ROBO2: variants seen among roughly 807,000 people sequenced by gnomAD.
ROBO2 encodes the protein roundabout homolog 2.
In ROBO2, 53 loss-of-function variants were observed where a neutral mutation model predicts 160.8. The ratio of observed to expected loss-of-function variants is 0.33; its 90% CI spans 0.26 to 0.41. The LOEUF is 0.41. Ranked by LOEUF, ROBO2 falls within the 10% of genes least tolerant of loss-of-function variation. The probability of loss-of-function intolerance (pLI) is 1.00; values close to 1 mark genes in which losing one functional copy is unlikely to be tolerated. For missense variants in ROBO2, 1,577 were observed against 1,722.4 expected (o/e 0.92, Z 1.49); for synonymous variants, 664 against 611.7 (o/e 1.09, Z -1.26).
intron 2 of ROBO2, among the ~76,000 whole-genome samples, chr3:76,391,556 C>T (rs1297206521): frequency 1.3e-5 from 2 of 151,854 alleles, no homozygotes; most frequent in Non-Finnish European, 2.9e-5. Flanking sequence ...CGCTCCATTG[C>T]CCAGGCTGGA....
intron 2 of ROBO2, among the ~76,000 whole-genome samples, chr3:76,676,511 G>A (rs757563407): frequency 6.6e-6 from 1 of 152,032 alleles, no homozygotes; most frequent in South Asian, 2.1e-4. Context: ...AGTGTATCTC[G>A]ACAGGTAAGA....
intron 2 of ROBO2, among the ~76,000 whole-genome samples, chr3:75,970,510 C>T (rs1432905717): frequency 1.3e-5 from 2 of 151,468 alleles, no homozygotes; most frequent in East Asian, 3.9e-4. Flanking sequence ...ATGTTCTAAA[C>T]AGTATGTATT....
chr3:76,656,616 CTTTGTTTTGTTTTGT>C lies in ROBO2; in HGVS notation c.110-441385_110-441371del, dbSNP rs368810711. Among the ~76,000 whole-genome samples, 363 of 151,718 alleles carry C rather than the reference CTTTGTTTTGTTTTGT, an allele frequency of 2.4e-3. 1 individual carries two copies. Among genetic ancestry groups the C allele is most frequent in the African/African-American group, 8.5e-3 (350 of 41,318 alleles). On this transcript the variant is annotated intron_variant, in intron 2 of 26. Coordinates refer to the ROBO2 transcript ENST00000487694. ...TATGGGCACTTGTAAGGTTCATTAC[CTTTGTTTTGTTTTGT>C]TTTGTTTTGTTTACATTTTTAGAGA...
intron 2 of ROBO2, among the ~76,000 whole-genome samples, chr3:76,668,157 C>A (rs1204231956): frequency 6.6e-6 from 1 of 152,026 alleles, no homozygotes; most frequent in African/African-American, 2.4e-5. Flanking sequence ...TGGAGTGTAG[C>A]GGCCCCATTA....
At chr3:76,481,309 G>A (rs1235233963) in intron 2 of ROBO2, among the ~76,000 whole-genome samples, 2 of 152,084 alleles carry the variant, frequency 1.3e-5, no homozygotes, top group Non-Finnish European at 2.9e-5. Context: ...GAGGGAAAAA[G>A]AAAGTAATGA....
intron 2 of ROBO2, among the ~76,000 whole-genome samples, chr3:76,624,818 A>G (rs2089505212): frequency 6.7e-6 from 1 of 149,660 alleles, no homozygotes; most frequent in African/African-American, 2.5e-5. Flanking sequence ...AAAAAAAAAA[A>G]AAAAAAAAAA....
At chr3:76,070,046 A>G (rs962530348) in intron 2 of ROBO2, among the ~76,000 whole-genome samples, 3 of 152,154 alleles carry the variant, frequency 2.0e-5, no homozygotes, top group Non-Finnish European at 4.4e-5. Context: ...AGGAGGATGT[A>G]TGTCGCCTCA....
At chr3:77,610,741 C>CAAAAAAAAAAAAAAAAAAAAAAA (rs71629658) in intron 21 of ROBO2, among the ~76,000 whole-genome samples, 8 of 19,830 alleles carry the variant, frequency 4.0e-4, no homozygotes, top group African/African-American at 9.2e-4. Flanking sequence ...GGCCAAAGAC[C>CAAAAAAAAAAAAAAAAAAAAAAA]AAAAAAAAAA....
At chr3:77,574,375 G>A (rs746536397) in intron 13 of ROBO2, 124 bp from the exon 15 acceptor site, 39 of 784,362 alleles carry the variant, frequency 5.0e-5, no homozygotes, top group Non-Finnish European at 8.3e-5. Context: ...TAGCTAGAAA[G>A]TCATGACATC....
chr3:77,410,647 T>C (rs1477018708), intron 2 of ROBO2, among the ~76,000 whole-genome samples: 760 of 18,098 alleles, frequency 0.042, no homozygotes, highest in East Asian at 0.067. Flanking sequence ...TGCTCCTCTT[T>C]CTCCTCCTCT....
intron 2 of ROBO2, among the ~76,000 whole-genome samples, chr3:76,028,468 AT>A (rs1479469738): frequency 6.6e-6 from 1 of 151,946 alleles, no homozygotes; most frequent in East Asian, 1.9e-4. Flanking sequence ...ACATGAAAAA[AT>A]TACCACAATT....
intron 2 of ROBO2, among the ~76,000 whole-genome samples, chr3:76,926,840 C>T (rs1483760517): frequency 1.3e-5 from 2 of 151,140 alleles, no homozygotes; most frequent in Non-Finnish European, 3.0e-5. Context: ...GAATCTAGCT[C>T]ATTATTGTAA....
At chr3:77,445,153 G>A (rs181387533) in intron 2 of ROBO2, among the ~76,000 whole-genome samples, 1 of 152,182 alleles carries the variant, frequency 6.6e-6, no homozygotes, top group African/African-American at 2.4e-5. Flanking sequence ...GTCTTAAGAA[G>A]ATGAAGACAG....
At chr3:76,109,384 G>A (rs2070110425) in intron 2 of ROBO2, among the ~76,000 whole-genome samples, 1 of 151,948 alleles carries the variant, frequency 6.6e-6, no homozygotes, top group African/African-American at 2.4e-5. Context: ...ATTTAGAAGG[G>A]TAGAGAAACG....
At chr3:76,277,223 A>T (rs1707977275) in intron 2 of ROBO2, among the ~76,000 whole-genome samples, 1 of 151,962 alleles carries the variant, frequency 6.6e-6, no homozygotes, top group South Asian at 2.1e-4. Context: ...TAACATCAAT[A>T]GGGTGAAAAA....
chr3:77,333,709 G>A (rs2066207622), intron 2 of ROBO2, among the ~76,000 whole-genome samples: 1 of 152,106 alleles, frequency 6.6e-6, no homozygotes. Context: ...AATGTGTTAT[G>A]CAAAACAAAT....
At chr3:77,296,313 T>C (rs1352854481) in intron 2 of ROBO2, among the ~76,000 whole-genome samples, 1 of 151,192 alleles carries the variant, frequency 6.6e-6, no homozygotes, top group African/African-American at 2.4e-5. Flanking sequence ...AAATTGATGG[T>C]TAAACGGGCA....
At chr3:76,157,854 A>G (rs2072467123) in intron 2 of ROBO2, among the ~76,000 whole-genome samples, 1 of 152,116 alleles carries the variant, frequency 6.6e-6, no homozygotes, top group Non-Finnish European at 1.5e-5. Context: ...TTCTCTCAAA[A>G]GGCATTTCAC....
intron 2 of ROBO2, among the ~76,000 whole-genome samples, chr3:76,487,046 G>T (rs2079533767): frequency 6.6e-6 from 1 of 152,130 alleles, no homozygotes; most frequent in South Asian, 2.1e-4. Context: ...CATAGCTCAT[G>T]ACAGCATCGA....
Sources: gnomAD v4.1 joint callset for allele counts (sites outside exome capture counted in the v4.1 genomes callset) on GRCh38, gnomAD v4.1.1 for gene constraint, MANE v1.5 for transcripts, NCBI Gene and HGNC (gene_info 2026-07-23, HGNC 2026-07-21) for gene names.